Variants in ADAM12 observed in about 807,000 individuals in gnomAD.
ADAM12 encodes the protein disintegrin and metalloproteinase domain-containing protein 12.
A neutral mutation model predicts 106.4 loss-of-function variants in ADAM12; 70 were observed. The ratio of observed to expected loss-of-function variants is 0.66; its 90% confidence interval spans 0.54 to 0.80. The LOEUF is 0.80. ADAM12 is among the 30% of genes least tolerant of loss of function. The probability of loss-of-function intolerance (pLI) is 0.00; values close to 1 mark genes in which losing one functional copy is unlikely to be tolerated. For missense variants in ADAM12, 1,010 were observed against 1,171.9 expected, an observed-to-expected ratio of 0.86 and a Z score of 2.02; for synonymous variants, 420 against 433.5, an observed-to-expected ratio of 0.97 and a Z score of 0.39.
chr10:126,383,638 C>G (rs1372700306), intron 1 of ADAM12, among the ~76,000 whole-genome samples: 1 of 151,998 alleles, frequency 6.6e-6, no homozygotes, highest in Non-Finnish European at 1.5e-5. Flanking sequence ...AAAGGTTTGA[C>G]AAGCAGAATA....
At chr10:126,045,615 G>A (rs886791009) in intron 17 of ADAM12, among the ~76,000 whole-genome samples, 2 of 152,172 alleles carry the variant, frequency 1.3e-5, no homozygotes, top group Admixed American at 1.3e-4. Flanking sequence ...GCCTTCTTTA[G>A]TTGAAACCCA....
chr10:126,080,457 G>C (rs779144017), intron 11 of ADAM12, among the ~76,000 whole-genome samples: 40 of 152,260 alleles, frequency 2.6e-4, no homozygotes, highest in Middle Eastern at 3.4e-3. Flanking sequence ...AATTACTCAG[G>C]AAAGAAGCCC....
intron 12 of ADAM12, chr10:126,067,149 G>A: frequency 3.6e-6 from 1 of 274,190 alleles, no homozygotes; most frequent in Non-Finnish European, 7.2e-6. Flanking sequence ...GCAGTGGACT[G>A]CATCAGGATC....
chr10:126,069,076 A>T (rs537446266), intron 12 of ADAM12, among the ~76,000 whole-genome samples: 2 of 152,248 alleles, frequency 1.3e-5, no homozygotes, highest in East Asian at 3.9e-4. Flanking sequence ...GGTCAATCTG[A>T]TGTAAGGGCA....
intron 2 of ADAM12, among the ~76,000 whole-genome samples, chr10:126,300,322 G>A (rs184112808): frequency 1.3e-3 from 194 of 152,232 alleles, no homozygotes; most frequent in African/African-American, 4.2e-3. Context: ...CCTGGGCACT[G>A]GTCCCCCACT....
Position 126,049,608 on chromosome 10 carries a change from G to A in ADAM12, c.1671C>T (p.Gly557=), listed in dbSNP as rs746184798. The change falls in exon 15 of 23, where the codon GGC becomes GGT. Residue 557 remains glycine (G), a synonymous_variant. Coordinates refer to ENST00000448723, the MANE Select transcript of ADAM12 (RefSeq NM_001288973.2). The surrounding 1 kb of genome is among the most constrained non-coding windows in gnomAD (Gnocchi z 4.4). ...ERVNSAGDPY[G]NCGKVSKSSF... ...AACTCTTCGAGACTTTGCCACAGTTGCCATAAGGATCACCTGCAGAATTGA... is the reference window on the plus strand; with the variant it reads ...AACTCTTCGAGACTTTGCCACAGTTACCATAAGGATCACCTGCAGAATTGA... 7 of 1,614,178 alleles carry A rather than the reference G, an allele frequency of 4.3e-6. No homozygotes were observed. In the South Asian group the frequency reaches 6.6e-5, roughly 15 times the overall value.
intron 1 of ADAM12, among the ~76,000 whole-genome samples, chr10:126,350,619 C>G (rs1225566534): frequency 1.3e-5 from 2 of 152,264 alleles, no homozygotes; most frequent in Non-Finnish European, 2.9e-5. Flanking sequence ...GCAGCTGTGT[C>G]TGTTGTCAGT....
intron 1 of ADAM12, among the ~76,000 whole-genome samples, chr10:126,354,459 G>A (rs753639921): frequency 2.0e-5 from 3 of 152,194 alleles, no homozygotes; most frequent in East Asian, 1.9e-4. Context: ...GAACGTCTGC[G>A]GGAGATGGAG....
chr10:126,382,412 G>C (rs887040331), intron 1 of ADAM12, among the ~76,000 whole-genome samples: 1 of 152,200 alleles, frequency 6.6e-6, no homozygotes, highest in African/African-American at 2.4e-5. Flanking sequence ...AAAACAAAAG[G>C]ATTAAGTTTA....
chr10:126,041,424 A>T (rs908633186), intron 18 of ADAM12: 1 of 985,650 alleles, frequency 1.0e-6, no homozygotes, highest in Non-Finnish European at 1.2e-6. Context: ...ACTTTTTAAC[A>T]TTCTTACTTG....
At chr10:126,363,825 A>T (rs1855819582) in intron 1 of ADAM12, among the ~76,000 whole-genome samples, 1 of 152,170 alleles carries the variant, frequency 6.6e-6, no homozygotes, top group Admixed American at 6.6e-5. Flanking sequence ...GATGGGTTTT[A>T]TTGTTTTAAG....
chr10:126,161,655 C>T (rs1374748682), intron 3 of ADAM12, among the ~76,000 whole-genome samples: 1 of 152,206 alleles, frequency 6.6e-6, no homozygotes, highest in African/African-American at 2.4e-5. Flanking sequence ...AGCACCATGA[C>T]TTGCCAGGGA....
chr10:126,345,075 T>C (rs1405752478), intron 1 of ADAM12, among the ~76,000 whole-genome samples: 1 of 152,208 alleles, frequency 6.6e-6, no homozygotes, highest in Admixed American at 6.5e-5. Flanking sequence ...ATAGGAGTGG[T>C]GAGAGAGGGC....
At chr10:126,093,117 T>TTCCA (rs1955496100) in intron 11 of ADAM12, among the ~76,000 whole-genome samples, 2 of 152,040 alleles carry the variant, frequency 1.3e-5, no homozygotes, top group African/African-American at 4.8e-5. Context: ...TGGGCTGGAA[T>TTCCA]GTTCCATGAA....
In ADAM12 at chr10:126,014,870, GA is replaced by G. The variant is rs1419583491; in HGVS notation, c.*2408del. On this transcript the variant is annotated 3_prime_UTR_variant, in exon 23 of 23. Transcript: ENST00000448723. The stretch of plus-strand genomic sequence containing the variant: ...AGATTGCCATTGAAATATAAGTATT[GA>G]TTTTTTTTGTTTTGAGGATATAAAA... 2 of 149,956 alleles carry G rather than the reference GA, an allele frequency of 1.3e-5. No individual in the cohort carries two copies. The highest frequency in any genetic ancestry group is 2.9e-5 in the Non-Finnish European group (2 of 67,974). The allele number at this position is 149,956 out of a possible 1,614,324, so 9.3% of individuals were successfully genotyped here.
chr10:126,345,786 T>C (rs1855116607), intron 1 of ADAM12, among the ~76,000 whole-genome samples: 2 of 152,222 alleles, frequency 1.3e-5, no homozygotes, highest in Non-Finnish European at 2.9e-5. Context: ...ATCCATTTCT[T>C]CTAGATTTTC....
Position 126,312,147 on chromosome 10 carries a change from A to C in ADAM12, c.186+18265T>G, listed in dbSNP as rs1417066062. On this transcript the variant is annotated intron_variant, in intron 2 of 22. Coordinates refer to ENST00000448723, the MANE Select transcript of ADAM12 (RefSeq NM_001288973.2). ...GTTGGTGTGGAAAAAAAAAAAAAAA[A>C]AAAAACCCACGTTTGGTGACCAGAA... is the stretch of plus-strand genomic sequence containing the variant. 4.0e-5 allele frequency among the ~76,000 whole-genome samples: 6 copies of C among 151,890 alleles called. 1 individual carries two copies. Among genetic ancestry groups the C allele is most frequent in the African/African-American group, 1.2e-4 (5 of 41,446 alleles).
chr10:126,142,389 G>A (rs1301093764), intron 4 of ADAM12, among the ~76,000 whole-genome samples: 1 of 152,230 alleles, frequency 6.6e-6, no homozygotes, highest in East Asian at 1.9e-4. Flanking sequence ...ATGAATGGAT[G>A]GGTTGAAATA....
chr10:126,322,121 T>C (rs1014694098), intron 2 of ADAM12, among the ~76,000 whole-genome samples: 1 of 152,216 alleles, frequency 6.6e-6, no homozygotes, highest in African/African-American at 2.4e-5. Flanking sequence ...TCATGACACA[T>C]GAAAATGATA....
Sources: allele counts gnomAD v4.1 joint callset (sites outside exome capture counted in the v4.1 genomes callset), GRCh38; gene constraint gnomAD v4.1.1; non-coding constraint Gnocchi (gnomAD v3.1); transcripts MANE v1.5; gene names NCBI Gene and HGNC (gene_info 2026-07-23, HGNC 2026-07-21).